IKBKB: variants seen among roughly 807,000 people sequenced by gnomAD.
IKBKB encodes inhibitor of nuclear factor kappa-B kinase subunit beta.
In IKBKB, 42 loss-of-function variants were observed where a neutral mutation model predicts 113.6. The ratio of observed to expected loss-of-function variants is 0.37; its 90% confidence interval spans 0.29 to 0.48. IKBKB has a LOEUF of 0.48. Among genes scored for constraint, IKBKB ranks in the 20% least tolerant of loss-of-function variants. The probability of loss-of-function intolerance (pLI) is 0.99; values close to 1 mark genes in which losing one functional copy is unlikely to be tolerated. For missense variants in IKBKB, 673 were observed against 939.7 expected (o/e 0.72, Z 3.71); for synonymous variants, 296 against 361.3 (o/e 0.82, Z 2.05).
chr8:42,316,978 A>T lies in IKBKB; in HGVS notation c.1125+74A>T. 7.3e-7 allele frequency: 1 copy of T among 1,364,146 alleles called. No individual in the cohort carries two copies. The highest frequency in any genetic ancestry group is 1.2e-5 in the South Asian group (1 of 82,002). 84.5% of individuals were successfully genotyped at this position (1,364,146 alleles called of 1,614,324 possible). A position where few individuals can be genotyped will look rare whatever the true frequency, so the allele number is the denominator to read the frequency against. On this transcript the variant is annotated intron_variant, in intron 11 of 21. Coordinates refer to ENST00000520810, the MANE Select transcript of IKBKB (RefSeq NM_001556.3). The surrounding 1 kb of genome is among the most constrained non-coding windows in gnomAD (Gnocchi z 4.5). ...CCTGGGAAACTCAACACACTTTCAG[A>T]TTTCAATTCTGCTTTGTCATGTAGT... is the stretch of plus-strand genomic sequence containing the variant.
chr8:42,294,955 TG>T (rs1363092046), intron 5 of IKBKB, among the ~76,000 whole-genome samples: 4 of 152,146 alleles, frequency 2.6e-5, no homozygotes, highest in Non-Finnish European at 5.9e-5. Context: ...GTTAGCAGGT[TG>T]GGGAGTATTC....
intron 2 of IKBKB, among the ~76,000 whole-genome samples, chr8:42,274,418 C>T (rs1337903628): frequency 6.6e-6 from 1 of 152,124 alleles, no homozygotes; most frequent in Non-Finnish European, 1.5e-5. Context: ...TAATTTTGTA[C>T]CCATTAACCA....
At chr8:42,297,263 G>A (rs1814073954) in intron 5 of IKBKB, among the ~76,000 whole-genome samples, 1 of 152,138 alleles carries the variant, frequency 6.6e-6, no homozygotes, top group Admixed American at 6.6e-5. Context: ...TGACTGAGCC[G>A]GAGTTCATCT....
Position 42,316,572 on chromosome 8 carries a change from T to C in IKBKB, c.931-138T>C. 1 of 919,980 alleles carries C rather than the reference T, an allele frequency of 1.1e-6. No individual in the cohort carries two copies. Among genetic ancestry groups the C allele is most frequent in the South Asian group, 1.7e-5 (1 of 57,348 alleles). The allele number at this position is 919,980 out of a possible 1,614,324, so 57.0% of individuals were successfully genotyped here. ...ATGCAAATATGCGAAACATGGCACA[T>C]GACCTCCCTCCCTCAAGCTAGGCCC... On this transcript the variant is annotated intron_variant, in intron 10 of 21. Transcript: ENST00000520810. This position sits in a 1 kb window ranked among gnomAD's most constrained non-coding sequence, Gnocchi z 4.5.
intron 2 of IKBKB, among the ~76,000 whole-genome samples, chr8:42,277,535 G>A (rs1317803035): frequency 6.6e-6 from 1 of 152,096 alleles, no homozygotes; most frequent in African/African-American, 2.4e-5. Context: ...CCTCCTGCCG[G>A]CTGAACCCCA....
chr8:42,276,681 A>G lies in IKBKB; in HGVS notation c.105+4476A>G, dbSNP rs185124569. On this transcript the variant is annotated intron_variant, in intron 2 of 21. Coordinates refer to ENST00000520810, the MANE Select transcript of IKBKB (RefSeq NM_001556.3). Reference sequence around the variant, plus strand: ...ATCCATAAAATCTTTTCCCAGACCAATGCCCTGAAGCACTTCCCGTATGTT... The same window carrying G: ...ATCCATAAAATCTTTTCCCAGACCAGTGCCCTGAAGCACTTCCCGTATGTT... Among the ~76,000 whole-genome samples the G allele has an allele frequency of 3.3e-5, 5 of 149,320 alleles. No individual in the cohort carries two copies. In the East Asian group the frequency reaches 9.7e-4, roughly 29 times the overall value.
At chr8:42,286,536 A>G (rs527282626) in intron 2 of IKBKB, among the ~76,000 whole-genome samples, 1 of 151,944 alleles carries the variant, frequency 6.6e-6, no homozygotes, top group South Asian at 2.1e-4. Flanking sequence ...TGTTGCCCAG[A>G]TCTCCTGCAA....
At chr8:42,291,485 A>G (rs1423490947) in intron 4 of IKBKB, among the ~76,000 whole-genome samples, 1 of 152,160 alleles carries the variant, frequency 6.6e-6, no homozygotes, top group Non-Finnish European at 1.5e-5. Context: ...CCAGCCAACA[A>G]CAATTTTTAT....
At chr8:42,327,316 GTC>G (rs1189630261) in intron 20 of IKBKB, among the ~76,000 whole-genome samples, 2 of 142,876 alleles carry the variant, frequency 1.4e-5, no homozygotes, top group African/African-American at 2.5e-5. Flanking sequence ...TGGTGAGACT[GTC>G]TCTCTCTCTC....
chr8:42,302,590 TAAGTACTTAACACA>T (rs1815443075), intron 5 of IKBKB, among the ~76,000 whole-genome samples: 1 of 152,184 alleles, frequency 6.6e-6, no homozygotes, highest in Admixed American at 6.5e-5. Context: ...ATTCCACACT[TAAGTACTTAACACA>T]TTGTTCCATG....
intron 18 of IKBKB, 85 bp from the exon 19 acceptor site, chr8:42,322,262 C>T: frequency 6.3e-7 from 1 of 1,582,428 alleles, no homozygotes; most frequent in Non-Finnish European, 8.7e-7. Context: ...AGAGTTTCTG[C>T]AGCTGCTGAC....
At chr8:42,298,250 G>A (rs746267501) in intron 5 of IKBKB, 2 of 985,412 alleles carry the variant, frequency 2.0e-6, no homozygotes, top group Non-Finnish European at 2.4e-6. Context: ...GCGGGCCTGG[G>A]TCTTATCAGA....
Position 42,319,235 on chromosome 8 carries a change from AGAT to A in IKBKB, c.1365-33_1365-31del. On this transcript the variant is annotated intron_variant, in intron 13 of 21. Coordinates refer to ENST00000520810, the MANE Select transcript of IKBKB (RefSeq NM_001556.3). ...ACAGGAAATGGAATTTGGATCCCAG[AGAT>A]GCTCCAAGACTGTTCCTTGTGGTCC... 1.9e-6 allele frequency: 3 copies of A among 1,602,130 alleles called. No homozygotes were observed. The South Asian group carries it at 3.3e-5, about 18-fold the overall frequency.
chr8:42,318,481 G>A (rs1585773413), intron 12 of IKBKB, 71 bp from the exon 13 acceptor site: 1 of 1,551,698 alleles, frequency 6.4e-7, no homozygotes, highest in East Asian at 2.3e-5. Context: ...AGTGTCGAAG[G>A]CAGGATATGG....
chr8:42,300,946 C>T (rs951433924), intron 5 of IKBKB, among the ~76,000 whole-genome samples: 42 of 152,202 alleles, frequency 2.8e-4, no homozygotes, highest in African/African-American at 1.0e-3. Context: ...CCTTGAATTC[C>T]TGGGCTCAAG....
At chr8:42,293,699 G>A (rs1813128554) in intron 5 of IKBKB, 187 bp downstream of exon 5, 9 of 826,544 alleles carry the variant, frequency 1.1e-5, no homozygotes, top group Non-Finnish European at 1.5e-5. Flanking sequence ...GACAGATGCT[G>A]AACTCAAATA....
Position 42,290,276 on chromosome 8 carries a change from G to A in IKBKB, c.318+3G>A. The A allele has an allele frequency of 6.2e-7, 1 of 1,602,294 alleles. No individual in the cohort carries two copies. Among genetic ancestry groups the A allele is most frequent in the Non-Finnish European group, 8.5e-7 (1 of 1,169,982 alleles). On this transcript the variant is annotated splice_donor_region_variant and intron_variant, in intron 4 of 21. Coordinates refer to ENST00000520810, the MANE Select transcript of IKBKB (RefSeq NM_001556.3). ...GCCAAGGAGGAGATCTCCGGAAGGTGAGGCTCCCACGGCTGCCAGGTGCAC... is the reference window on the plus strand; with the variant it reads ...GCCAAGGAGGAGATCTCCGGAAGGTAAGGCTCCCACGGCTGCCAGGTGCAC...
chr8:42,318,470 T>C, intron 12 of IKBKB, 82 bp from the exon 13 acceptor site: 1 of 1,488,598 alleles, frequency 6.7e-7, no homozygotes, highest in Non-Finnish European at 9.2e-7. Flanking sequence ...AAAGTGCCAG[T>C]AGTGTCGAAG....
intron 5 of IKBKB, among the ~76,000 whole-genome samples, chr8:42,299,103 A>G (rs909418584): frequency 6.6e-6 from 1 of 152,148 alleles, no homozygotes; most frequent in Non-Finnish European, 1.5e-5. Context: ...AGTCAATTCC[A>G]GTAGAAGCTC....
Sources: allele counts gnomAD v4.1 joint callset (sites outside exome capture counted in the v4.1 genomes callset), GRCh38; gene constraint gnomAD v4.1.1; non-coding constraint Gnocchi (gnomAD v3.1); transcripts MANE v1.5; gene names NCBI Gene and HGNC (gene_info 2026-07-23, HGNC 2026-07-21).